Variants in GRID2 observed in about 807,000 individuals in gnomAD.
The protein encoded by GRID2 is glutamate ionotropic receptor delta type subunit 2, also known as glutamate receptor ionotropic, delta-2.
In GRID2, 33 loss-of-function variants were observed where a neutral mutation model predicts 114.8. That is an observed-to-expected ratio of 0.29 (90% confidence interval 0.22 to 0.38). The LOEUF is 0.38. GRID2 is among the 10% of genes least tolerant of loss of function. The pLI is 1.00. For synonymous variants in GRID2, 505 were observed against 449.9 expected, an observed-to-expected ratio of 1.12 and a Z score of -1.55; for missense variants, 1,184 against 1,257.7, an observed-to-expected ratio of 0.94 and a Z score of 0.89.
intron 8 of GRID2, among the ~76,000 whole-genome samples, chr4:93,257,615 T>A (rs1318910216): frequency 6.6e-6 from 1 of 151,698 alleles, no homozygotes; most frequent in Non-Finnish European, 1.5e-5. Context: ...ATTAACCATT[T>A]ATCAAAAAGA....
chr4:93,038,390 C>G (rs1234877950), intron 2 of GRID2, among the ~76,000 whole-genome samples: 1 of 152,028 alleles, frequency 6.6e-6, no homozygotes, highest in Non-Finnish European at 1.5e-5. Context: ...TTTATGTAGC[C>G]AACAAACATA....
At chr4:92,704,192 G>A (rs888105916) in intron 2 of GRID2, among the ~76,000 whole-genome samples, 1 of 152,120 alleles carries the variant, frequency 6.6e-6, no homozygotes, top group African/African-American at 2.4e-5. Context: ...GCAGGAGAAT[G>A]GCATGAATCC....
chr4:92,906,982 TC>T (rs1475902071), intron 2 of GRID2, among the ~76,000 whole-genome samples: 1 of 152,110 alleles, frequency 6.6e-6, no homozygotes, highest in African/African-American at 2.4e-5. Context: ...CATCTTATGA[TC>T]CCCAGGTGTT....
chr4:92,932,126 A>G (rs975223666), intron 2 of GRID2, among the ~76,000 whole-genome samples: 5 of 151,348 alleles, frequency 3.3e-5, no homozygotes, highest in Admixed American at 2.6e-4. Context: ...ATATGAATAG[A>G]TAAGAAAAAG....
intron 7 of GRID2, among the ~76,000 whole-genome samples, chr4:93,235,626 A>G (rs1202770118): frequency 6.6e-6 from 1 of 152,154 alleles, no homozygotes; most frequent in African/African-American, 2.4e-5. Context: ...ATCATCCCTG[A>G]CATCTTCATG....
chr4:93,538,749 A>G (rs1732360463), intron 13 of GRID2, among the ~76,000 whole-genome samples: 1 of 151,748 alleles, frequency 6.6e-6, no homozygotes, highest in Non-Finnish European at 1.5e-5. Flanking sequence ...AAAATACTAC[A>G]CCAGTACTCC....
At chr4:92,563,150 G>A (rs1478015709) in intron 1 of GRID2, among the ~76,000 whole-genome samples, 1 of 152,066 alleles carries the variant, frequency 6.6e-6, no homozygotes, top group South Asian at 2.1e-4. Flanking sequence ...CCTCCACCAT[G>A]CTCCCCGTTT....
At chr4:93,071,761 C>T (rs1001640008) in intron 2 of GRID2, among the ~76,000 whole-genome samples, 1 of 152,012 alleles carries the variant, frequency 6.6e-6, no homozygotes, top group Non-Finnish European at 1.5e-5. Context: ...TTATAAAGGG[C>T]CTATGGGCCA....
intron 2 of GRID2, among the ~76,000 whole-genome samples, chr4:92,722,545 G>A (rs1203665933): frequency 6.6e-6 from 1 of 152,032 alleles, no homozygotes; most frequent in African/African-American, 2.4e-5. Flanking sequence ...ATGACAAGGG[G>A]AAAGAGAAAA....
intron 1 of GRID2, among the ~76,000 whole-genome samples, chr4:92,484,546 G>T (rs1251782378): frequency 1.3e-5 from 2 of 152,168 alleles, no homozygotes; most frequent in East Asian, 3.9e-4. Flanking sequence ...GTTTAGGAAG[G>T]TGGAGAGACA....
intron 2 of GRID2, among the ~76,000 whole-genome samples, chr4:92,808,896 G>A (rs184195554): frequency 6.6e-6 from 1 of 151,836 alleles, no homozygotes; most frequent in East Asian, 2.0e-4. Flanking sequence ...GCTAGGATAA[G>A]TGAAGAAATA....
At chr4:92,691,179 G>T (rs1381940602) in intron 2 of GRID2, among the ~76,000 whole-genome samples, 2 of 151,966 alleles carry the variant, frequency 1.3e-5, no homozygotes, top group Non-Finnish European at 2.9e-5. Context: ...GTACTGAGAA[G>T]AAATGATATT....
At chr4:93,612,134 C>T (rs1317806467) in intron 13 of GRID2, among the ~76,000 whole-genome samples, 1 of 151,728 alleles carries the variant, frequency 6.6e-6, no homozygotes, top group African/African-American at 2.4e-5. Context: ...GGATTGCAAC[C>T]CCTGCCTTTT....
At chr4:92,935,334 G>T (rs561273200) in intron 2 of GRID2, among the ~76,000 whole-genome samples, 1 of 147,212 alleles carries the variant, frequency 6.8e-6, no homozygotes, top group South Asian at 2.3e-4. Context: ...ACCACAATGA[G>T]ATACCATCTC....
intron 2 of GRID2, among the ~76,000 whole-genome samples, chr4:92,890,104 C>CA (rs1329104000): frequency 6.6e-6 from 1 of 152,084 alleles, no homozygotes; most frequent in Admixed American, 6.5e-5. Context: ...ACACCTTATA[C>CA]AAAAATTAAC....
At chr4:92,639,103 A>G (rs1579739037) in intron 2 of GRID2, among the ~76,000 whole-genome samples, 1 of 151,610 alleles carries the variant, frequency 6.6e-6, no homozygotes, top group Non-Finnish European at 1.5e-5. Context: ...ATTGTTTAGA[A>G]ATAACGTATC....
chr4:92,623,344 G>A (rs759507678), intron 2 of GRID2, among the ~76,000 whole-genome samples: 6 of 148,624 alleles, frequency 4.0e-5, no homozygotes, highest in Non-Finnish European at 7.4e-5. Flanking sequence ...GTAACCCTGC[G>A]ACACAAGGAT....
rs540946761 is a variant in GRID2, at chr4:92,602,921, G to C, written c.244+12635G>C. On this transcript the variant is annotated intron_variant, in intron 2 of 15. Transcript: ENST00000282020. ...TCTATACACAAACAACAGACAAGCA[G>C]TCAAATAATAAATGAACTCCAATTC... Among the ~76,000 whole-genome samples, 3 of 152,182 alleles carry C rather than the reference G, an allele frequency of 2.0e-5. No homozygotes were observed. In the East Asian group the frequency reaches 5.8e-4, roughly 29 times the overall value.
At chr4:93,677,858 G>C (rs547642727) in intron 14 of GRID2, among the ~76,000 whole-genome samples, 46 of 152,240 alleles carry the variant, frequency 3.0e-4, no homozygotes, top group African/African-American at 9.9e-4. Context: ...ACTAGAAACT[G>C]TAAAAAGCAG....
Sources: allele counts gnomAD v4.1 joint callset (sites outside exome capture counted in the v4.1 genomes callset), GRCh38; gene constraint gnomAD v4.1.1; transcripts MANE v1.5; gene names NCBI Gene and HGNC (gene_info 2026-07-23, HGNC 2026-07-21).